NDUFA5: variants seen among roughly 807,000 people sequenced by gnomAD.
The protein encoded by NDUFA5 is NADH dehydrogenase [ubiquinone] 1 alpha subcomplex subunit 5.
NDUFA5 carries 11 observed loss-of-function variants against 19.8 expected under a neutral mutation model. That is an observed-to-expected ratio of 0.56 (90% CI 0.35 to 0.92). The LOEUF (loss-of-function observed/expected upper bound fraction) is 0.92, where lower values mean the gene tolerates loss of function less well. NDUFA5 is among the 40% of genes least tolerant of loss of function. The pLI is 0.01. For synonymous variants in NDUFA5, 47 were observed against 46.8 expected, an observed-to-expected ratio of 1.00 and a Z score of -0.01; for missense variants, 109 against 134.2, an observed-to-expected ratio of 0.81 and a Z score of 0.93.
At chr7:123,542,439 G>C (rs1797974195) in intron 4 of NDUFA5, among the ~76,000 whole-genome samples, 1 of 152,070 alleles carries the variant, frequency 6.6e-6, no homozygotes. Context: ...CTATTTGATT[G>C]AAATAGGCTA....
the NDUFA5 span, among the ~76,000 whole-genome samples, chr7:123,575,246 GA>G: frequency 6.6e-6 from 1 of 151,850 alleles, no homozygotes; most frequent in Non-Finnish European, 1.5e-5. Flanking sequence ...TCCCTACTAG[GA>G]AAAAACAATG....
In NDUFA5 at chr7:123,552,574, G is replaced by A. The variant is rs866407870; in HGVS notation, c.67-1988C>T. On this transcript the variant is annotated intron_variant, in intron 2 of 4. Transcript: ENST00000355749. The stretch of plus-strand genomic sequence containing the variant: ...TGGGTGCGGCAAACCACCATGGCAC[G>A]TGTATACCTATGTAACAAACCTGCA... Among the ~76,000 whole-genome samples the A allele has an allele frequency of 2.8e-5, 4 of 140,458 alleles. No homozygotes were observed. The South Asian group carries it at 8.9e-4, about 31-fold the overall frequency. The allele number at this position is 140,458 out of a possible 152,430, so 92.1% of individuals were successfully genotyped here.
At chr7:123,544,255 T>C (rs1297163275) in intron 4 of NDUFA5, among the ~76,000 whole-genome samples, 3 of 151,988 alleles carry the variant, frequency 2.0e-5, no homozygotes, top group East Asian at 3.9e-4. Flanking sequence ...TCCCAGCACT[T>C]TGGGAGGCCG....
the NDUFA5 span, among the ~76,000 whole-genome samples, chr7:123,595,552 A>G: frequency 3.2e-4 from 49 of 152,230 alleles, no homozygotes; most frequent in African/African-American, 1.1e-3. Context: ...ACCACAATTC[A>G]TTTTCTTACT....
At chr7:123,595,259 A>G in the NDUFA5 span, among the ~76,000 whole-genome samples, 1 of 152,162 alleles carries the variant, frequency 6.6e-6, no homozygotes, top group African/African-American at 2.4e-5. Flanking sequence ...GCTTTTATCC[A>G]TGGCCCACCT....
intron 3 of NDUFA5, among the ~76,000 whole-genome samples, chr7:123,548,318 G>A (rs903789475): frequency 2.0e-5 from 3 of 152,096 alleles, no homozygotes; most frequent in East Asian, 3.9e-4. Context: ...TTATGTTCCA[G>A]GTACCATGCT....
rs925056503 is a variant in NDUFA5 at position 123,542,011 on chromosome 7, A to G, written c.*108T>C. ...TTTAACAGTCTCCTACATATTTTCTATATCACTTTTCTTGATTACAAAATG... is the reference window on the plus strand; with the variant it reads ...TTTAACAGTCTCCTACATATTTTCTGTATCACTTTTCTTGATTACAAAATG... On this transcript the variant is annotated 3_prime_UTR_variant, in exon 5 of 5. Transcript: ENST00000355749. 5.9e-5 allele frequency: 40 copies of G among 678,744 alleles called. No individual in the cohort carries two copies. The African/African-American group carries it at 6.0e-4, about 10-fold the overall frequency. The allele number at this position is 678,744 out of a possible 1,614,324, so 42.0% of individuals were successfully genotyped here.
chr7:123,568,392 T>C, the NDUFA5 span, among the ~76,000 whole-genome samples: 5 of 151,322 alleles, frequency 3.3e-5, no homozygotes, highest in African/African-American at 1.2e-4. Flanking sequence ...TGGTGGCGCA[T>C]GCTTGTAATC....
In NDUFA5 at chr7:123,557,446, G is replaced by A; in HGVS notation, c.24C>T (p.Thr8=). 1 of 1,612,456 alleles carries A rather than the reference G, an allele frequency of 6.2e-7. No homozygotes were observed. Among genetic ancestry groups the A allele is most frequent in the African/African-American group, 1.3e-5 (1 of 74,942 alleles). The change falls in exon 2 of 5, where the codon ACC becomes ACT. Residue 8 remains threonine, a splice_region_variant and synonymous_variant. Transcript: ENST00000355749. MAGVLKK[T]TGLVGLAVCN... is the part of the protein sequence containing the mutation. ...ACACAGCCAATCCCACAAGGCCAGT[G>A]GTCTGTTCAAAAACAAAACACGATT...
chr7:123,542,014 T>A lies in NDUFA5; in HGVS notation c.*105A>T, dbSNP rs144163626. 2.5e-3 allele frequency: 1,755 copies of A among 698,108 alleles called. No homozygotes were observed. The highest frequency in any genetic ancestry group is 3.1e-3 in the Non-Finnish European group (1,416 of 450,132). The allele number at this position is 698,108 out of a possible 1,614,324, so 43.2% of individuals were successfully genotyped here. A position where few individuals can be genotyped will look rare whatever the true frequency, so the allele number is the denominator to read the frequency against. On this transcript the variant is annotated 3_prime_UTR_variant, in exon 5 of 5. Coordinates refer to ENST00000355749, the MANE Select transcript of NDUFA5 (RefSeq NM_005000.5). Reference sequence around the variant, plus strand: ...AACAGTCTCCTACATATTTTCTATATCACTTTTCTTGATTACAAAATGTCA... The same window carrying A: ...AACAGTCTCCTACATATTTTCTATAACACTTTTCTTGATTACAAAATGTCA...
At chr7:123,550,041 ACT>A (rs4147637) in intron 3 of NDUFA5, 44,990 of 167,308 alleles carry the variant, frequency 0.27, 6,437 homozygotes, top group Middle Eastern at 0.37. Flanking sequence ...AGCAGTCTAG[ACT>A]TTTATTAACT....
At chr7:123,566,744 T>C in the NDUFA5 span, among the ~76,000 whole-genome samples, 27 of 152,218 alleles carry the variant, frequency 1.8e-4, no homozygotes, top group Non-Finnish European at 4.0e-4. Flanking sequence ...TATATATCCA[T>C]TTGCTCCTCT....
At chr7:123,549,339 T>C (rs555508957) in intron 3 of NDUFA5, among the ~76,000 whole-genome samples, 1 of 152,082 alleles carries the variant, frequency 6.6e-6, no homozygotes, top group Non-Finnish European at 1.5e-5. Flanking sequence ...AGTATGAGAG[T>C]AAACTCTTCT....
the NDUFA5 span, among the ~76,000 whole-genome samples, chr7:123,583,177 G>A: frequency 1.3e-5 from 2 of 151,814 alleles, no homozygotes; most frequent in Non-Finnish European, 2.9e-5. Flanking sequence ...GATTGCTTGA[G>A]GCCAGGAGTT....
chr7:123,544,517 A>G (rs1288692087), intron 4 of NDUFA5, among the ~76,000 whole-genome samples: 1 of 151,232 alleles, frequency 6.6e-6, no homozygotes. Context: ...AAAAAAAAAA[A>G]AAATTGAAAA....
chr7:123,561,752 C>T (rs1042053051), upstream of NDUFA5, among the ~76,000 whole-genome samples: 6 of 152,092 alleles, frequency 3.9e-5, no homozygotes, highest in South Asian at 2.1e-4. Flanking sequence ...CATCTGCCAC[C>T]GCACCCGGCT....
At position 123,541,722 on chromosome 7, in the gene NDUFA5, A is replaced by T. The variant is rs1797950923; in HGVS notation, c.*397T>A. On this transcript the variant is annotated 3_prime_UTR_variant, in exon 5 of 5. Coordinates refer to ENST00000355749, the MANE Select transcript of NDUFA5 (RefSeq NM_005000.5). Reference sequence around the variant, plus strand: ...ATTTACTTCAAACAGTAATCTATAAATTTGTTTAGACTATAATAATTAAGG... The same window carrying T: ...ATTTACTTCAAACAGTAATCTATAATTTTGTTTAGACTATAATAATTAAGG... 6.6e-6 allele frequency: 1 copy of T among 152,508 alleles called. No individual in the cohort carries two copies. Among genetic ancestry groups the T allele is most frequent in the South Asian group, 2.1e-4 (1 of 4,842 alleles). 9.4% of individuals were successfully genotyped at this position (152,508 alleles called of 1,614,324 possible).
chr7:123,557,174 GA>G, intron 2 of NDUFA5: 1 of 705,334 alleles, frequency 1.4e-6, no homozygotes, highest in Non-Finnish European at 2.6e-6. Context: ...AAATGTCAAG[GA>G]AAAAGTCAAC....
chr7:123,596,253 A>G, the NDUFA5 span: 1 of 152,164 alleles, frequency 6.6e-6, no homozygotes, highest in Non-Finnish European at 1.5e-5. Context: ...AATTTGAAAT[A>G]TAAAGACCTG....
Sources: gnomAD v4.1 joint callset for allele counts (sites outside exome capture counted in the v4.1 genomes callset) on GRCh38, gnomAD v4.1.1 for gene constraint, MANE v1.5 for transcripts, NCBI Gene and HGNC (gene_info 2026-07-23, HGNC 2026-07-21) for gene names.